Variants in LRBA observed in about 807,000 individuals in gnomAD.
LRBA encodes LPS responsive beige-like anchor protein, also known as lipopolysaccharide-responsive and beige-like anchor protein.
LRBA carries 176 observed loss-of-function variants against 330.0 expected under a neutral mutation model. The observed-to-expected ratio is 0.53, with a 90% CI of 0.47 to 0.60. The LOEUF is 0.60. Ranked by LOEUF, LRBA falls within the 20% of genes least tolerant of loss-of-function variation. The pLI is 0.00. For synonymous variants in LRBA, 1,230 were observed against 1,193.0 expected (o/e 1.03, Z -0.64); for missense variants, 3,259 against 3,444.8 (o/e 0.95, Z 1.35).
chr4:150,443,275 T>C (rs7695993), intron 44 of LRBA, among the ~76,000 whole-genome samples: 92,090 of 152,008 alleles, frequency 0.61, 31,228 homozygotes, highest in Non-Finnish European at 0.75. Flanking sequence ...TCAACCATTG[T>C]GGAAGGCAGG....
intron 40 of LRBA, chr4:150,580,442 T>G (rs1771161778): frequency 6.6e-6 from 1 of 152,122 alleles, no homozygotes; most frequent in South Asian, 2.1e-4. Flanking sequence ...AGAAATTAAC[T>G]TCCCTATGCA....
intron 37 of LRBA, among the ~76,000 whole-genome samples, chr4:150,630,824 T>C (rs913841937): frequency 6.6e-6 from 1 of 152,122 alleles, no homozygotes; most frequent in Non-Finnish European, 1.5e-5. Context: ...CTAAGGTAAC[T>C]ACCTTAGAAA....
Position 150,844,640 on chromosome 4 carries a change from A to C in LRBA, c.4461+18T>G, listed in dbSNP as rs373734811. 2 of 1,583,278 alleles carry C rather than the reference A, an allele frequency of 1.3e-6. No individual in the cohort carries two copies. Among genetic ancestry groups the C allele is most frequent in the South Asian group, 2.4e-5 (2 of 85,050 alleles). ...ATAGGAGTATGCTTTTTGAAAATTA[A>C]TTAATCTGTATACTTACCTTCGCTG... On this transcript the variant is annotated intron_variant, in intron 27 of 56. Coordinates refer to ENST00000651943, the MANE Select transcript of LRBA (RefSeq NM_001364905.1).
At chr4:150,781,917 A>T (rs777326453) in intron 34 of LRBA, among the ~76,000 whole-genome samples, 2 of 151,992 alleles carry the variant, frequency 1.3e-5, no homozygotes, top group Admixed American at 1.3e-4. Context: ...TTATTTTTTT[A>T]ATTTTTTTGA....
At chr4:150,525,216 A>T (rs928653177) in intron 40 of LRBA, among the ~76,000 whole-genome samples, 1 of 151,940 alleles carries the variant, frequency 6.6e-6, no homozygotes, top group Non-Finnish European at 1.5e-5. Context: ...CTGCATATTT[A>T]AAAAAAACTG....
chr4:150,323,084 T>C (rs1732771675), intron 49 of LRBA, among the ~76,000 whole-genome samples: 1 of 151,224 alleles, frequency 6.6e-6, no homozygotes, highest in African/African-American at 2.4e-5. Context: ...ACAATAAATA[T>C]GTGGCCTTTG....
rs186312951 is a variant in LRBA, at chr4:150,424,617, G to A, written c.7042-9027C>T. ...ATCCCATAGCAGGGAGCACGTGCGC[G>A]CGTGCACACACGCACACACACACAC... On this transcript the variant is annotated intron_variant, in intron 46 of 56. Coordinates refer to ENST00000651943, the MANE Select transcript of LRBA (RefSeq NM_001364905.1). Among the ~76,000 whole-genome samples the A allele has an allele frequency of 3.2e-3, 476 of 150,966 alleles. 3 individuals carry two copies. The highest frequency in any genetic ancestry group is 0.011 in the African/African-American group (452 of 40,846).
chr4:150,695,889 C>G (rs1318569944), intron 36 of LRBA, among the ~76,000 whole-genome samples: 1 of 152,124 alleles, frequency 6.6e-6, no homozygotes, highest in African/African-American at 2.4e-5. Context: ...AGGTCTCCTA[C>G]TTATGAATAA....
At chr4:150,970,415 G>A (rs1461429164) in intron 2 of LRBA, among the ~76,000 whole-genome samples, 12 of 151,776 alleles carry the variant, frequency 7.9e-5, no homozygotes, top group Admixed American at 2.0e-4. Flanking sequence ...TGGGAGGATC[G>A]CTTAAGCCCA....
chr4:150,793,419 T>G (rs568917200), intron 34 of LRBA, among the ~76,000 whole-genome samples: 1 of 152,134 alleles, frequency 6.6e-6, no homozygotes, highest in African/African-American at 2.4e-5. Flanking sequence ...TTAATGAAAA[T>G]GAAGATTTAA....
rs1735935334 is a variant in LRBA, at chr4:150,943,813, A to C, written c.217-14748T>G. Among the ~76,000 whole-genome samples the C allele has an allele frequency of 4.6e-5, 7 of 152,314 alleles. No individual in the cohort carries two copies. The South Asian group carries it at 1.5e-3, about 32-fold the overall frequency. ...TCAGTCCAAAAGTCAAGCAACATAG[A>C]TATCCTCCCACATTTGGCTGGTCTG... On this transcript the variant is annotated intron_variant, in intron 2 of 56. Coordinates refer to ENST00000651943, the MANE Select transcript of LRBA (RefSeq NM_001364905.1).
intron 23 of LRBA, among the ~76,000 whole-genome samples, chr4:150,851,317 C>CA (rs946043968): frequency 3.3e-5 from 5 of 151,200 alleles, no homozygotes; most frequent in African/African-American, 7.3e-5. Context: ...CCAACAAAAA[C>CA]AAAAAAAAGG....
intron 31 of LRBA, among the ~76,000 whole-genome samples, chr4:150,815,017 A>C (rs1431482794): frequency 6.6e-6 from 1 of 151,982 alleles, no homozygotes. Context: ...TAAATTTTAA[A>C]GAATAGACTT....
intron 5 of LRBA, among the ~76,000 whole-genome samples, chr4:150,917,253 A>T (rs1289791327): frequency 6.6e-6 from 1 of 151,770 alleles, no homozygotes; most frequent in Non-Finnish European, 1.5e-5. Context: ...TTTCCCTAAT[A>T]CATAGTAATG....
At chr4:150,327,991 A>G (rs1733509765) in intron 48 of LRBA, among the ~76,000 whole-genome samples, 1 of 152,202 alleles carries the variant, frequency 6.6e-6, no homozygotes, top group Non-Finnish European at 1.5e-5. Context: ...AGTCCAAAAC[A>G]TGAGGAATTA....
intron 46 of LRBA, among the ~76,000 whole-genome samples, chr4:150,428,107 TATTAA>T (rs1361473341): frequency 2.0e-5 from 3 of 152,052 alleles, no homozygotes; most frequent in African/African-American, 4.8e-5. Flanking sequence ...AAGGGTTAAA[TATTAA>T]ATTATATATG....
chr4:150,436,923 C>T (rs1751192787), intron 44 of LRBA, 59 bp from the exon 45 acceptor site: 2 of 1,475,626 alleles, frequency 1.4e-6, no homozygotes, highest in Admixed American at 1.7e-5. Flanking sequence ...TTCATGTCTT[C>T]CTCTCTTCTG....
intron 10 of LRBA, 81 bp from the exon 11 acceptor site, chr4:150,908,548 A>G (rs1731597273): frequency 6.8e-7 from 1 of 1,461,996 alleles, no homozygotes; most frequent in Non-Finnish European, 9.3e-7. Flanking sequence ...CAATAAATGC[A>G]GAAACACTAT....
chr4:150,298,959 G>A (rs929044069), intron 53 of LRBA, among the ~76,000 whole-genome samples: 1 of 151,920 alleles, frequency 6.6e-6, no homozygotes, highest in African/African-American at 2.4e-5. Context: ...TTAAATCCAT[G>A]TTTATGAATA....
Sources: allele counts gnomAD v4.1 joint callset (sites outside exome capture counted in the v4.1 genomes callset), GRCh38; gene constraint gnomAD v4.1.1; transcripts MANE v1.5; gene names NCBI Gene and HGNC (gene_info 2026-07-23, HGNC 2026-07-21).